Variants in FLT1 observed in about 807,000 individuals in gnomAD.
FLT1 encodes fms related receptor tyrosine kinase 1.
In FLT1, 49 loss-of-function variants were observed where a neutral mutation model predicts 156.3. That is an observed-to-expected ratio of 0.31 (90% CI 0.25 to 0.40). FLT1 has a LOEUF of 0.40. Among genes scored for constraint, FLT1 ranks in the 10% least tolerant of loss-of-function variants. The pLI is 1.00. For synonymous variants in FLT1, 594 were observed against 583.8 expected (o/e 1.02, Z -0.25); for missense variants, 1,322 against 1,637.2 (o/e 0.81, Z 3.32).
intron 14 of FLT1, among the ~76,000 whole-genome samples, chr13:28,380,402 G>A (rs115195779): frequency 0.01 from 1,525 of 152,216 alleles, 18 homozygotes; most frequent in African/African-American, 0.035. Context: ...GGAATATTAC[G>A]TATGGAACTT....
At chr13:28,432,752 G>A (rs1043154492) in intron 6 of FLT1, among the ~76,000 whole-genome samples, 2 of 152,190 alleles carry the variant, frequency 1.3e-5, no homozygotes, top group African/African-American at 4.8e-5. Context: ...TTTAATAGAT[G>A]TGTTGTAGAT....
intron 13 of FLT1, chr13:28,386,547 T>C: frequency 9.5e-7 from 1 of 1,053,804 alleles, no homozygotes; most frequent in Non-Finnish European, 1.1e-6. Flanking sequence ...ATGATTCTTT[T>C]GCCTCTTTGA....
Position 28,327,489 on chromosome 13 carries a change from G to C in FLT1, c.2769C>G (p.Ser923Arg). The change falls in exon 20 of 30, where the codon AGC becomes AGG. Residue 923 changes from serine to arginine, a missense_variant. Coordinates refer to ENST00000282397, the MANE Select transcript of FLT1 (RefSeq NM_002019.4). ...KYGNLSNYLKSKRDLFFLNKD... is the reference protein window; with the variant it reads ...KYGNLSNYLKRKRDLFFLNKD... ...TGTTGAGAAAAAATAAGTCACGTTT[G>C]CTCTTGAGGTAGTTGGAGAGATTTC... 6 of 1,612,898 alleles carry C rather than the reference G, an allele frequency of 3.7e-6. No individual in the cohort carries two copies. Among genetic ancestry groups the C allele is most frequent in the Non-Finnish European group, 5.1e-6 (6 of 1,178,924 alleles).
At chr13:28,429,440 ATTACATTGTT>A (rs1187755266) in intron 8 of FLT1, among the ~76,000 whole-genome samples, 1 of 152,230 alleles carries the variant, frequency 6.6e-6, no homozygotes, top group East Asian at 1.9e-4. Flanking sequence ...TCATAAACAG[ATTACATTGTT>A]TTACATCAGG....
chr13:28,438,384 G>A, intron 3 of FLT1, 39 bp from the exon 4 acceptor site: 1 of 1,537,094 alleles, frequency 6.5e-7, no homozygotes, highest in Non-Finnish European at 9.0e-7. Context: ...ATACATAAAT[G>A]ATTGACATGC....
chr13:28,426,461 C>T (rs538255456), intron 10 of FLT1, among the ~76,000 whole-genome samples: 174 of 152,210 alleles, frequency 1.1e-3, no homozygotes, highest in Non-Finnish European at 1.7e-3. Flanking sequence ...CAGCCTTGGC[C>T]CAGCCTAAAG....
chr13:28,452,967 A>G (rs1879035162), intron 3 of FLT1, among the ~76,000 whole-genome samples: 1 of 118,540 alleles, frequency 8.4e-6, no homozygotes, highest in East Asian at 2.8e-4. Flanking sequence ...TAAGTCTGGC[A>G]CTACCTTTAT....
At chr13:28,314,592 A>G in intron 25 of FLT1, among the ~76,000 whole-genome samples, 1 of 152,152 alleles carries the variant, frequency 6.6e-6, no homozygotes, top group Middle Eastern at 3.2e-3. Context: ...TTTCTTTCCA[A>G]GCTATCACCC....
At chr13:28,344,366 CTT>C (rs1223891482) in intron 16 of FLT1, among the ~76,000 whole-genome samples, 1 of 152,202 alleles carries the variant, frequency 6.6e-6, no homozygotes, top group East Asian at 1.9e-4. Flanking sequence ...TCCTTCCTCT[CTT>C]CTTAACCTTG....
At chr13:28,480,889 C>T (rs1474275611) in intron 1 of FLT1, among the ~76,000 whole-genome samples, 4 of 152,316 alleles carry the variant, frequency 2.6e-5, no homozygotes, top group African/African-American at 4.8e-5. Flanking sequence ...CCACGGAAGA[C>T]GACCGGGGTG....
chr13:28,368,209 A>G (rs1873373936), intron 14 of FLT1: 1 of 311,230 alleles, frequency 3.2e-6, no homozygotes, highest in Non-Finnish European at 5.2e-6. Flanking sequence ...GCTGGAGTGC[A>G]GTACACGATC....
chr13:28,455,751 T>C (rs1879226561), intron 3 of FLT1, among the ~76,000 whole-genome samples: 1 of 152,190 alleles, frequency 6.6e-6, no homozygotes, highest in African/African-American at 2.4e-5. Flanking sequence ...AAAAAAGAAT[T>C]GTTTTCCAAA....
At chr13:28,354,439 G>A (rs1200795603) in intron 15 of FLT1, among the ~76,000 whole-genome samples, 3 of 152,152 alleles carry the variant, frequency 2.0e-5, no homozygotes, top group African/African-American at 7.2e-5. Context: ...CAAAGAATGA[G>A]TTAAATGCCT....
chr13:28,366,895 T>C (rs1158236961), intron 14 of FLT1, among the ~76,000 whole-genome samples: 2 of 152,206 alleles, frequency 1.3e-5, no homozygotes, highest in African/African-American at 2.4e-5. Context: ...CCCACTCCAC[T>C]GTGGGCTCCT....
chr13:28,461,825 T>A (rs1416021285), intron 3 of FLT1, among the ~76,000 whole-genome samples: 4 of 152,184 alleles, frequency 2.6e-5, no homozygotes, highest in Non-Finnish European at 5.9e-5. Flanking sequence ...TGTCCGATAA[T>A]GTTTCTACCT....
chr13:28,316,952 T>A (rs1871237307), intron 25 of FLT1, among the ~76,000 whole-genome samples: 1 of 152,122 alleles, frequency 6.6e-6, no homozygotes, highest in African/African-American at 2.4e-5. Context: ...TCTAAAGAAG[T>A]TGTATTGCCC....
chr13:28,473,029 T>G (rs916680375), intron 1 of FLT1, among the ~76,000 whole-genome samples: 3 of 152,064 alleles, frequency 2.0e-5, no homozygotes, highest in Non-Finnish European at 2.9e-5. Flanking sequence ...ATCAGGAACA[T>G]GCAAATAAAA....
At chr13:28,369,035 A>G (rs1013173068) in intron 14 of FLT1, among the ~76,000 whole-genome samples, 1 of 152,108 alleles carries the variant, frequency 6.6e-6, no homozygotes, top group African/African-American at 2.4e-5. Context: ...ATTAGCTAAG[A>G]GCAGTGTCCG....
chr13:28,377,793 T>A (rs1174708320), intron 14 of FLT1, among the ~76,000 whole-genome samples: 2 of 152,212 alleles, frequency 1.3e-5, no homozygotes, highest in Non-Finnish European at 2.9e-5. Context: ...TCTAGTTTTT[T>A]AAAAATGCTT....
Sources: allele counts gnomAD v4.1 joint callset (sites outside exome capture counted in the v4.1 genomes callset), GRCh38; gene constraint gnomAD v4.1.1; transcripts MANE v1.5; gene names NCBI Gene and HGNC (gene_info 2026-07-23, HGNC 2026-07-21).